Variants in MICU1 observed in about 807,000 individuals in gnomAD.
The protein encoded by MICU1 is mitochondrial calcium uptake 1.
A neutral mutation model predicts 56.8 loss-of-function variants in MICU1; 45 were observed. The observed-to-expected ratio is 0.79, with a 90% confidence interval of 0.62 to 1.02. The LOEUF is 1.02. Among genes scored for constraint, MICU1 ranks in the 50% least tolerant of loss-of-function variants. The pLI is 0.00. For synonymous variants in MICU1, 186 were observed against 195.1 expected, an observed-to-expected ratio of 0.95 and a Z score of 0.39; for missense variants, 504 against 587.1, an observed-to-expected ratio of 0.86 and a Z score of 1.46.
chr10:72,604,515 C>T (rs1398745310), intron 1 of MICU1, among the ~76,000 whole-genome samples: 5 of 151,964 alleles, frequency 3.3e-5, no homozygotes, highest in East Asian at 1.9e-4. Flanking sequence ...TCAGGCAATC[C>T]GCCCACCTTG....
At chr10:72,397,764 A>G (rs1863316709) in intron 10 of MICU1, among the ~76,000 whole-genome samples, 1 of 152,236 alleles carries the variant, frequency 6.6e-6, no homozygotes, top group Non-Finnish European at 1.5e-5. Flanking sequence ...CCAATACAGG[A>G]GCACCCAGAT....
At chr10:72,611,162 G>T (rs1292371683) in intron 1 of MICU1, among the ~76,000 whole-genome samples, 2 of 150,752 alleles carry the variant, frequency 1.3e-5, no homozygotes, top group Admixed American at 6.6e-5. Flanking sequence ...AATTAGCCGG[G>T]CGCTGTAGCG....
chr10:72,490,828 T>C (rs1242019231), intron 6 of MICU1, among the ~76,000 whole-genome samples: 1 of 152,190 alleles, frequency 6.6e-6, no homozygotes, highest in Non-Finnish European at 1.5e-5. Context: ...AGTAATTTTG[T>C]TGGATGAAGA....
chr10:72,519,992 T>C (rs1398001743), intron 5 of MICU1, among the ~76,000 whole-genome samples: 2 of 152,152 alleles, frequency 1.3e-5, no homozygotes, highest in Non-Finnish European at 2.9e-5. Flanking sequence ...ATCCTTGGGT[T>C]ATTTTAGTAT....
chr10:72,446,981 A>T (rs1572385), intron 8 of MICU1, among the ~76,000 whole-genome samples: 6,807 of 152,248 alleles, frequency 0.045, 419 homozygotes, highest in East Asian at 0.19. Flanking sequence ...GGAAAGAAAA[A>T]CTGTAAGTAA....
intron 1 of MICU1, among the ~76,000 whole-genome samples, chr10:72,602,027 T>C (rs953356436): frequency 2.6e-5 from 4 of 151,288 alleles, no homozygotes; most frequent in African/African-American, 9.7e-5. Flanking sequence ...CTCGAACTCC[T>C]GACCTCGTGA....
chr10:72,369,303 G>GAA (rs35019906), intron 11 of MICU1, among the ~76,000 whole-genome samples: 221 of 108,550 alleles, frequency 2.0e-3, no homozygotes, highest in African/African-American at 5.7e-3. Flanking sequence ...ATGTCTCTTG[G>GAA]AAAAAAAAAA....
intron 1 of MICU1, among the ~76,000 whole-genome samples, chr10:72,622,473 T>C (rs893450273): frequency 6.6e-6 from 1 of 152,092 alleles, no homozygotes; most frequent in Non-Finnish European, 1.5e-5. Context: ...AGGGACTGCC[T>C]CTAGGATGGG....
intron 3 of MICU1, among the ~76,000 whole-genome samples, chr10:72,555,522 T>G (rs1840137894): frequency 6.6e-6 from 1 of 152,228 alleles, no homozygotes; most frequent in African/African-American, 2.4e-5. Flanking sequence ...ATAAAAAGAA[T>G]GAGTCTACCC....
chr10:72,596,938 G>T (rs1423202256), intron 1 of MICU1, among the ~76,000 whole-genome samples: 1 of 151,236 alleles, frequency 6.6e-6, no homozygotes, highest in Non-Finnish European at 1.5e-5. Context: ...GTAAACTATG[G>T]ACTTTAGTTA....
chr10:72,621,424 G>A (rs1050007013), intron 1 of MICU1, among the ~76,000 whole-genome samples: 7 of 151,976 alleles, frequency 4.6e-5, no homozygotes, highest in East Asian at 3.9e-4. Context: ...CCCAAGAGGC[G>A]GAGGTTGCAG....
chr10:72,489,323 C>CACAA lies in MICU1; in HGVS notation c.653-12068_653-12067insTTGT, dbSNP rs56105505. On this transcript the variant is annotated intron_variant, in intron 6 of 11. Coordinates refer to ENST00000361114, the MANE Select transcript of MICU1 (RefSeq NM_001195518.2). ...ACACACACACACACACACACACACA[C>CACAA]AAAAATAAAAAAAAAAGGAACTAAC... is the stretch of plus-strand genomic sequence containing the variant. 3.4e-5 allele frequency among the ~76,000 whole-genome samples: 4 copies of CACAA among 116,288 alleles called. No individual in the cohort carries two copies. The South Asian group carries it at 7.4e-4, about 21-fold the overall frequency. The allele number at this position is 116,288 out of a possible 152,430, so 76.3% of individuals were successfully genotyped here.
intron 8 of MICU1, 77 bp downstream of exon 8, chr10:72,475,023 A>G: frequency 1.6e-6 from 2 of 1,268,286 alleles, no homozygotes; most frequent in Admixed American, 2.5e-5. Context: ...GGTAAATGGA[A>G]AGAATGCCTA....
chr10:72,470,307 T>G (rs1865912657), intron 8 of MICU1, among the ~76,000 whole-genome samples: 1 of 152,118 alleles, frequency 6.6e-6, no homozygotes, highest in Non-Finnish European at 1.5e-5. Context: ...CTGATGAAAT[T>G]TTATGTAAGG....
At chr10:72,585,526 C>G (rs904861767) in intron 1 of MICU1, among the ~76,000 whole-genome samples, 2 of 151,848 alleles carry the variant, frequency 1.3e-5, no homozygotes, top group Non-Finnish European at 2.9e-5. Context: ...GAAACCCTGT[C>G]TCTACTAAAA....
At chr10:72,564,987 G>A (rs1053753226) in intron 2 of MICU1, among the ~76,000 whole-genome samples, 1 of 151,962 alleles carries the variant, frequency 6.6e-6, no homozygotes, top group Non-Finnish European at 1.5e-5. Flanking sequence ...ATAGGGCTAA[G>A]ATAGCTCTAG....
At chr10:72,550,267 T>C (rs1289835836) in intron 4 of MICU1, among the ~76,000 whole-genome samples, 2 of 152,228 alleles carry the variant, frequency 1.3e-5, no homozygotes, top group African/African-American at 2.4e-5. Flanking sequence ...CTTACCATTG[T>C]CTTACAATTG....
At chr10:72,473,863 A>T (rs1253507591) in intron 8 of MICU1, among the ~76,000 whole-genome samples, 3 of 152,214 alleles carry the variant, frequency 2.0e-5, no homozygotes, top group African/African-American at 7.2e-5. Flanking sequence ...TACATAGTTT[A>T]AAAACAACAT....
chr10:72,527,786 C>T (rs1203685765), intron 5 of MICU1, among the ~76,000 whole-genome samples: 1 of 152,120 alleles, frequency 6.6e-6, no homozygotes, highest in Non-Finnish European at 1.5e-5. Context: ...CGATAATTCC[C>T]ACAAGACAAA....
Sources: allele counts gnomAD v4.1 joint callset (sites outside exome capture counted in the v4.1 genomes callset), GRCh38; gene constraint gnomAD v4.1.1; transcripts MANE v1.5; gene names NCBI Gene and HGNC (gene_info 2026-07-23, HGNC 2026-07-21).